UBASH3B: variants seen among roughly 807,000 people sequenced by gnomAD.
The protein encoded by UBASH3B is ubiquitin associated and SH3 domain containing B, also known as ubiquitin-associated and SH3 domain-containing protein B.
Under a neutral mutation model 83.4 loss-of-function variants are expected in UBASH3B, and 37 were observed. The ratio of observed to expected loss-of-function variants is 0.44; its 90% CI spans 0.34 to 0.58. The LOEUF is 0.58. Ranked by LOEUF, UBASH3B falls within the 20% of genes least tolerant of loss-of-function variation. UBASH3B has a pLI of 0.01. For missense variants in UBASH3B, 657 were observed against 827.2 expected (o/e 0.79, Z 2.52); for synonymous variants, 304 against 318.3 (o/e 0.96, Z 0.48).
At chr11:122,749,563 G>C (rs750274191) in intron 1 of UBASH3B, among the ~76,000 whole-genome samples, 8 of 152,192 alleles carry the variant, frequency 5.3e-5, no homozygotes, top group Non-Finnish European at 1.5e-5. Flanking sequence ...GAAGCTGAGG[G>C]TTAGCTCTAT....
At chr11:122,723,130 C>T (rs1860670306) in intron 1 of UBASH3B, among the ~76,000 whole-genome samples, 1 of 152,156 alleles carries the variant, frequency 6.6e-6, no homozygotes, top group African/African-American at 2.4e-5. Context: ...TGGGCTCCTC[C>T]TGGCGATTTT....
chr11:122,799,297 C>G (rs1861208689), intron 10 of UBASH3B, among the ~76,000 whole-genome samples: 1 of 152,066 alleles, frequency 6.6e-6, no homozygotes, highest in Non-Finnish European at 1.5e-5. Flanking sequence ...TCGAGACCAG[C>G]CTCAACATGG....
Position 122,655,993 on chromosome 11 carries a change from T to C in UBASH3B, c.-57T>C. 1 of 1,087,624 alleles carries C rather than the reference T, an allele frequency of 9.2e-7. No individual in the cohort carries two copies. Among genetic ancestry groups the C allele is most frequent in the South Asian group, 1.6e-5 (1 of 61,172 alleles). 67.4% of individuals were successfully genotyped at this position (1,087,624 alleles called of 1,614,324 possible). ...CCCCTGGCCCAGCCCGACTCCCTCC[T>C]CCTTCCCGAACCATCCGGCTCGGGC... On this transcript the variant is annotated 5_prime_UTR_variant, in exon 1 of 14. Transcript: ENST00000284273.
rs951858429 is a variant in UBASH3B at position 122,758,517 on chromosome 11, G to A, written c.162-17702G>A. Among the ~76,000 whole-genome samples the A allele has an allele frequency of 2.6e-5, 4 of 152,220 alleles. No homozygotes were observed. The highest frequency in any genetic ancestry group is 2.0e-4 in the Admixed American group (3 of 15,282). On this transcript the variant is annotated intron_variant, in intron 1 of 13. Coordinates refer to ENST00000284273, the MANE Select transcript of UBASH3B (RefSeq NM_032873.5). The surrounding 1 kb of genome is among the most constrained non-coding windows in gnomAD (Gnocchi z 4.2). ...ACAGCTGGAAAGGGCAGTCAGTGGT[G>A]GGGGCGGAGGGGGCACCCAGTGGCC... is the stretch of plus-strand genomic sequence containing the variant.
intron 1 of UBASH3B, among the ~76,000 whole-genome samples, chr11:122,750,236 C>T (rs1041098179): frequency 6.6e-6 from 1 of 152,216 alleles, no homozygotes; most frequent in Non-Finnish European, 1.5e-5. Context: ...GGCCTCCTCC[C>T]ACTGTTGAGA....
intron 1 of UBASH3B, among the ~76,000 whole-genome samples, chr11:122,708,125 A>T (rs1470262410): frequency 2.0e-5 from 3 of 152,184 alleles, no homozygotes; most frequent in African/African-American, 4.8e-5. Flanking sequence ...GTTCCAAGCC[A>T]CTTACTCTTT....
At chr11:122,670,668 A>T (rs1343984758) in intron 1 of UBASH3B, among the ~76,000 whole-genome samples, 1 of 152,100 alleles carries the variant, frequency 6.6e-6, no homozygotes, top group African/African-American at 2.4e-5. Flanking sequence ...GGGTATGTTA[A>T]TAAACTATTC....
chr11:122,659,208 A>G (rs956490066), intron 1 of UBASH3B, among the ~76,000 whole-genome samples: 2 of 152,152 alleles, frequency 1.3e-5, no homozygotes, highest in Admixed American at 6.5e-5. Flanking sequence ...AAAAAAATGT[A>G]TAAGGCGGCA....
At chr11:122,708,726 A>G (rs1282125530) in intron 1 of UBASH3B, among the ~76,000 whole-genome samples, 1 of 152,234 alleles carries the variant, frequency 6.6e-6, no homozygotes, top group Non-Finnish European at 1.5e-5. Context: ...ATCTCTAAGT[A>G]TGATGTTGGC....
chr11:122,799,144 A>T, intron 10 of UBASH3B, 110 bp downstream of exon 10: 1 of 896,560 alleles, frequency 1.1e-6, no homozygotes, highest in Non-Finnish European at 1.7e-6. Context: ...AAAGCTTTGA[A>T]TCTGGAATGA....
intron 1 of UBASH3B, among the ~76,000 whole-genome samples, chr11:122,761,164 C>T (rs1861364964): frequency 1.3e-5 from 2 of 152,214 alleles, no homozygotes; most frequent in South Asian, 4.1e-4. Context: ...GGCATCTCCC[C>T]ACTCTCCTTG....
intron 1 of UBASH3B, among the ~76,000 whole-genome samples, chr11:122,688,620 T>TA (rs1419318290): frequency 3.5e-5 from 3 of 84,966 alleles, no homozygotes; most frequent in African/African-American, 3.4e-5. Flanking sequence ...CTAATTTTTT[T>TA]CTTTCTTTTA....
At chr11:122,786,539 C>T (rs1264642203) in intron 5 of UBASH3B, among the ~76,000 whole-genome samples, 1 of 152,122 alleles carries the variant, frequency 6.6e-6, no homozygotes, top group Non-Finnish European at 1.5e-5. Flanking sequence ...CACCTGTAGT[C>T]CCAGCTACTC....
At chr11:122,754,046 C>T (rs1415978946) in intron 1 of UBASH3B, among the ~76,000 whole-genome samples, 1 of 152,146 alleles carries the variant, frequency 6.6e-6, no homozygotes, top group Non-Finnish European at 1.5e-5. Flanking sequence ...TGAAACATGG[C>T]CAGTGTGATG....
chr11:122,707,780 C>T (rs1864141761), intron 1 of UBASH3B, among the ~76,000 whole-genome samples: 1 of 49,398 alleles, frequency 2.0e-5, no homozygotes, highest in East Asian at 2.1e-3. Flanking sequence ...CTCACTGCAA[C>T]CTCCGCCTCC....
At chr11:122,698,821 G>A (rs1863995882) in intron 1 of UBASH3B, among the ~76,000 whole-genome samples, 14 of 152,194 alleles carry the variant, frequency 9.2e-5, no homozygotes, top group Admixed American at 8.5e-4. Context: ...TTATAAATGT[G>A]TAGTGTGTGC....
intron 1 of UBASH3B, among the ~76,000 whole-genome samples, chr11:122,753,721 C>G (rs1861238790): frequency 6.6e-6 from 1 of 151,962 alleles, no homozygotes; most frequent in Admixed American, 6.5e-5. Context: ...TCTCGAACTC[C>G]TGATCTCAGA....
intron 1 of UBASH3B, among the ~76,000 whole-genome samples, chr11:122,746,953 A>T (rs900615963): frequency 6.6e-6 from 1 of 152,202 alleles, no homozygotes; most frequent in African/African-American, 2.4e-5. Context: ...CATTAGGCAG[A>T]AAAGGGGGAA....
At chr11:122,714,326 TA>T (rs1390910541) in intron 1 of UBASH3B, among the ~76,000 whole-genome samples, 1 of 152,250 alleles carries the variant, frequency 6.6e-6, no homozygotes, top group Non-Finnish European at 1.5e-5. Context: ...GGGAGCTCAC[TA>T]CCTTACAAGG....
Sources: allele counts gnomAD v4.1 joint callset (sites outside exome capture counted in the v4.1 genomes callset), GRCh38; gene constraint gnomAD v4.1.1; non-coding constraint Gnocchi (gnomAD v3.1); transcripts MANE v1.5; gene names NCBI Gene and HGNC (gene_info 2026-07-23, HGNC 2026-07-21).